Variants in PCDH15 observed in about 807,000 individuals in gnomAD.
PCDH15 encodes the protein protocadherin-15.
PCDH15 carries 129 observed loss-of-function variants against 178.5 expected under a neutral mutation model. That is an observed-to-expected ratio of 0.72 (90% CI 0.63 to 0.84). PCDH15 has a LOEUF of 0.84. Among genes scored for constraint, PCDH15 ranks in the 40% least tolerant of loss-of-function variants. PCDH15 has a pLI of 0.00. For missense variants in PCDH15, 2,230 were observed against 2,099.9 expected, an observed-to-expected ratio of 1.06 and a Z score of -1.21; for synonymous variants, 800 against 732.0, an observed-to-expected ratio of 1.09 and a Z score of -1.50.
intron 21 of PCDH15, among the ~76,000 whole-genome samples, chr10:53,982,758 C>T (rs1203429499): frequency 6.6e-6 from 1 of 151,276 alleles, no homozygotes. Context: ...CAGCATGGCA[C>T]ATGTATACAT....
intron 2 of PCDH15, among the ~76,000 whole-genome samples, chr10:55,401,241 C>T (rs1258902749): frequency 6.6e-6 from 1 of 151,950 alleles, no homozygotes; most frequent in Non-Finnish European, 1.5e-5. Context: ...AGAGATAATA[C>T]CCAGGTTTTC....
intron 2 of PCDH15, among the ~76,000 whole-genome samples, chr10:55,013,471 C>A (rs189773551): frequency 7.5e-6 from 1 of 133,744 alleles, no homozygotes; most frequent in East Asian, 3.1e-4. Context: ...CCACTCAGAC[C>A]ATGATTTATC....
At chr10:55,276,199 G>A (rs1052358918) in intron 1 of PCDH15, among the ~76,000 whole-genome samples, 8 of 150,394 alleles carry the variant, frequency 5.3e-5, no homozygotes, top group Non-Finnish European at 1.2e-4. Flanking sequence ...TTTCTTAAAA[G>A]AACTTACCTT....
chr10:55,268,319 C>T (rs1198909924), intron 1 of PCDH15, among the ~76,000 whole-genome samples: 5 of 152,106 alleles, frequency 3.3e-5, no homozygotes, highest in African/African-American at 1.2e-4. Flanking sequence ...CTCACTCCCA[C>T]CAACCCCACA....
chr10:53,838,766 C>T (rs954806512), intron 29 of PCDH15, among the ~76,000 whole-genome samples: 5 of 152,064 alleles, frequency 3.3e-5, no homozygotes, highest in Middle Eastern at 3.2e-3. Flanking sequence ...ATTAATAAAA[C>T]TTACAAAAAA....
intron 1 of PCDH15, among the ~76,000 whole-genome samples, chr10:55,313,120 A>AG (rs1325198636): frequency 1.3e-5 from 2 of 152,218 alleles, no homozygotes; most frequent in Non-Finnish European, 1.5e-5. Context: ...AAGAAGCCAT[A>AG]GTGCTCTAAA....
intron 2 of PCDH15, among the ~76,000 whole-genome samples, chr10:54,966,649 T>A (rs1838799141): frequency 6.6e-6 from 1 of 152,136 alleles, no homozygotes; most frequent in Non-Finnish European, 1.5e-5. Context: ...GATCATTGAA[T>A]CATGGGGGCA....
chr10:54,162,689 T>C (rs905402933), intron 13 of PCDH15, among the ~76,000 whole-genome samples: 1 of 152,124 alleles, frequency 6.6e-6, no homozygotes, highest in African/African-American at 2.4e-5. Context: ...ACTGGGATCA[T>C]TTGGGGTTAA....
At chr10:55,052,332 C>T (rs1227641927) in intron 2 of PCDH15, among the ~76,000 whole-genome samples, 4 of 114 alleles carry the variant, frequency 0.035, no homozygotes, top group Admixed American at 0.22. Context: ...CCTCGTGATC[C>T]GCCCACCGGC....
At chr10:53,833,491 C>A (rs1489926795) in intron 29 of PCDH15, among the ~76,000 whole-genome samples, 1 of 152,042 alleles carries the variant, frequency 6.6e-6, no homozygotes, top group Non-Finnish European at 1.5e-5. Flanking sequence ...TTATCCCTTA[C>A]AAAACAGCAA....
intron 16 of PCDH15, among the ~76,000 whole-genome samples, chr10:54,086,010 T>C (rs2094509521): frequency 6.6e-6 from 1 of 152,204 alleles, no homozygotes; most frequent in Admixed American, 6.5e-5. Context: ...AAGTGTCTGA[T>C]GAGGTAGAAC....
rs935518656 is a variant in PCDH15 at position 55,210,572 on chromosome 10, A to T, written c.-155-43921T>A. On this transcript the variant is annotated intron_variant, in intron 1 of 5. Coordinates refer to the PCDH15 transcript ENST00000458638. The stretch of plus-strand genomic sequence containing the variant: ...GAGGAATTTTGCGGGGGGAAAAAAA[A>T]GCTAATTGAATTTGGCTCTCACGAT... Among the ~76,000 whole-genome samples, 5 of 148,624 alleles carry T rather than the reference A, an allele frequency of 3.4e-5. No homozygotes were observed. In the East Asian group the frequency reaches 9.9e-4, roughly 30 times the overall value.
At chr10:55,458,024 T>C (rs888864512) in intron 2 of PCDH15, among the ~76,000 whole-genome samples, 2 of 152,040 alleles carry the variant, frequency 1.3e-5, no homozygotes, top group East Asian at 1.9e-4. Context: ...CATGCATATA[T>C]AGAGGATTAA....
At chr10:54,376,555 A>G (rs1471220905) in intron 4 of PCDH15, among the ~76,000 whole-genome samples, 1 of 151,452 alleles carries the variant, frequency 6.6e-6, no homozygotes, top group African/African-American at 2.4e-5. Flanking sequence ...ATTCTCTACT[A>G]TATCTTTGTA....
chr10:55,406,990 G>C (rs1356731567), intron 2 of PCDH15, among the ~76,000 whole-genome samples: 1 of 152,110 alleles, frequency 6.6e-6, no homozygotes, highest in East Asian at 1.9e-4. Context: ...GTTTATTATA[G>C]GTTAACAAGC....
At chr10:54,665,925 T>C (rs555056375) in intron 1 of PCDH15, among the ~76,000 whole-genome samples, 8 of 152,024 alleles carry the variant, frequency 5.3e-5, no homozygotes, top group Non-Finnish European at 1.2e-4. Flanking sequence ...ATGCTACTGG[T>C]TGTGTAGAGC....
At chr10:54,038,769 C>T (rs1011787631) in intron 18 of PCDH15, among the ~76,000 whole-genome samples, 1 of 151,948 alleles carries the variant, frequency 6.6e-6, no homozygotes, top group Non-Finnish European at 1.5e-5. Context: ...CATAACAAGC[C>T]TCTATCTTGG....
At chr10:55,199,360 A>G (rs1426836548) in intron 1 of PCDH15, among the ~76,000 whole-genome samples, 1 of 152,046 alleles carries the variant, frequency 6.6e-6, no homozygotes, top group Non-Finnish European at 1.5e-5. Context: ...CTTAAGAGAG[A>G]TGATTTAGGG....
At chr10:54,572,870 G>T (rs962082431) in intron 2 of PCDH15, among the ~76,000 whole-genome samples, 3 of 152,104 alleles carry the variant, frequency 2.0e-5, no homozygotes, top group Non-Finnish European at 2.9e-5. Context: ...TGTGTTTCTT[G>T]TATGTGGGAT....
Sources: allele counts gnomAD v4.1 joint callset (sites outside exome capture counted in the v4.1 genomes callset), GRCh38; gene constraint gnomAD v4.1.1; transcripts MANE v1.5; gene names NCBI Gene and HGNC (gene_info 2026-07-23, HGNC 2026-07-21).